The following PRKCI variants were observed in gnomAD, a reference collection of about 807,000 sequenced individuals.
PRKCI encodes protein kinase C iota, also known as protein kinase C iota type.
Under a neutral mutation model 84.0 loss-of-function variants are expected in PRKCI, and 43 were observed. The ratio of observed to expected loss-of-function variants is 0.51; its 90% CI spans 0.40 to 0.66. PRKCI has a LOEUF of 0.66. Ranked by LOEUF, PRKCI falls within the 30% of genes least tolerant of loss-of-function variation. PRKCI has a pLI of 0.00. For synonymous variants in PRKCI, 216 were observed against 234.4 expected (o/e 0.92, Z 0.72); for missense variants, 459 against 745.6 (o/e 0.62, Z 4.48).
chr3:170,250,116 CA>C (rs911808096), intron 2 of PRKCI, among the ~76,000 whole-genome samples: 2 of 117,312 alleles, frequency 1.7e-5, no homozygotes, highest in Non-Finnish European at 3.5e-5. Context: ...AATACAAAAA[CA>C]AAAAAATTAG....
At chr3:170,238,086 G>A (rs2108838467) in intron 2 of PRKCI, among the ~76,000 whole-genome samples, 1 of 152,278 alleles carries the variant, frequency 6.6e-6, no homozygotes, top group South Asian at 2.1e-4. Context: ...TATGGGGCCG[G>A]GCATGGTTTC....
intron 11 of PRKCI, among the ~76,000 whole-genome samples, chr3:170,282,778 T>C (rs1484427269): frequency 6.6e-6 from 1 of 151,826 alleles, no homozygotes; most frequent in East Asian, 1.9e-4. Context: ...TTTGGCTTTT[T>C]TTTCCTCTAA....
chr3:170,280,936 C>T (rs996716825), intron 9 of PRKCI, among the ~76,000 whole-genome samples: 1 of 151,898 alleles, frequency 6.6e-6, no homozygotes, highest in Non-Finnish European at 1.5e-5. Context: ...ACATTATTAT[C>T]AGGAGAAATA....
At chr3:170,233,963 C>T (rs1031093831) in intron 1 of PRKCI, among the ~76,000 whole-genome samples, 18 of 151,884 alleles carry the variant, frequency 1.2e-4, no homozygotes, top group African/African-American at 2.7e-4. Flanking sequence ...TCTAGTGATC[C>T]GCCCACCTCA....
At chr3:170,223,382 A>G (rs1732546356) in intron 1 of PRKCI, among the ~76,000 whole-genome samples, 1 of 152,178 alleles carries the variant, frequency 6.6e-6, no homozygotes, top group African/African-American at 2.4e-5. Context: ...ATTAAGTTGC[A>G]TGTGTGTAAA....
At position 170,305,818 on chromosome 3, in the gene PRKCI, G is replaced by A. The variant is rs192431985; in HGVS notation, c.*2691G>A. ...TTTTGTGCATATGCAGCCTGGATTGGATGTTAAGTAAATGCTTGTTCAGTG... is the reference window on the plus strand; with the variant it reads ...TTTTGTGCATATGCAGCCTGGATTGAATGTTAAGTAAATGCTTGTTCAGTG... On this transcript the variant is annotated 3_prime_UTR_variant, in exon 18 of 18. Coordinates refer to ENST00000295797, the MANE Select transcript of PRKCI (RefSeq NM_002740.6). 8.5e-5 allele frequency: 13 copies of A among 152,156 alleles called. No homozygotes were observed. The South Asian group carries it at 1.7e-3, about 19-fold the overall frequency. The allele number at this position is 152,156 out of a possible 1,614,324, so 9.4% of individuals were successfully genotyped here.
chr3:170,252,221 A>G (rs1733469646), intron 2 of PRKCI, among the ~76,000 whole-genome samples: 1 of 152,086 alleles, frequency 6.6e-6, no homozygotes, highest in Non-Finnish European at 1.5e-5. Context: ...CTCAAAAAAA[A>G]AAAAAAGAAA....
chr3:170,249,395 AGAAAG>A (rs1733377370), intron 2 of PRKCI, among the ~76,000 whole-genome samples: 1 of 152,032 alleles, frequency 6.6e-6, no homozygotes, highest in South Asian at 2.1e-4. Context: ...AGAGAGAGAG[AGAAAG>A]GAGAGAGAGA....
rs73181270 is a variant in PRKCI, at chr3:170,297,024, A to C, written c.1498-280A>C. Among the ~76,000 whole-genome samples the C allele has an allele frequency of 4.8e-3, 726 of 152,328 alleles. 3 individuals are homozygous for C. Among genetic ancestry groups the C allele is most frequent in the South Asian group, 9.5e-3 (46 of 4,828 alleles). On this transcript the variant is annotated intron_variant, in intron 15 of 17. Coordinates refer to ENST00000295797, the MANE Select transcript of PRKCI (RefSeq NM_002740.6). ...CAAAGAAATGGCTGGGTGCTGTCAA[A>C]TGATTCTGCTGTTCTCTTTTTCCTC...
At chr3:170,279,732 A>G (rs1453351414) in intron 8 of PRKCI, among the ~76,000 whole-genome samples, 1 of 152,152 alleles carries the variant, frequency 6.6e-6, no homozygotes, top group Non-Finnish European at 1.5e-5. Context: ...ACTAGCTTAC[A>G]TTCTATGTAT....
At chr3:170,295,628 A>G (rs1207911797) in intron 14 of PRKCI, among the ~76,000 whole-genome samples, 1 of 150,940 alleles carries the variant, frequency 6.6e-6, no homozygotes, top group Admixed American at 6.6e-5. Flanking sequence ...GTGAGCTGAG[A>G]TCGTGCCACT....
chr3:170,249,379 C>T (rs74346805), intron 2 of PRKCI, among the ~76,000 whole-genome samples: 3,217 of 151,814 alleles, frequency 0.021, 52 homozygotes, highest in East Asian at 0.085. Flanking sequence ...GTATCATTTA[C>T]GACAGAGAGA....
intron 5 of PRKCI, among the ~76,000 whole-genome samples, chr3:170,269,696 C>T (rs905184524): frequency 2.0e-5 from 3 of 152,094 alleles, no homozygotes; most frequent in East Asian, 1.9e-4. Context: ...GTGGCTCACA[C>T]GTGTAATCCC....
intron 7 of PRKCI, among the ~76,000 whole-genome samples, chr3:170,274,884 A>C (rs932447378): frequency 6.6e-5 from 10 of 152,170 alleles, no homozygotes; most frequent in African/African-American, 2.4e-4. Flanking sequence ...ATTTAAACAT[A>C]TCTTATAGAG....
chr3:170,222,549 G>T lies in PRKCI; in HGVS notation c.-121G>T. 1 of 831,982 alleles carries T rather than the reference G, an allele frequency of 1.2e-6. No homozygotes were observed. The highest frequency in any genetic ancestry group is 2.1e-5 in the South Asian group (1 of 47,492). 51.5% of individuals were successfully genotyped at this position (831,982 alleles called of 1,614,324 possible). A position where few individuals can be genotyped will look rare whatever the true frequency, so the allele number is the denominator to read the frequency against. On this transcript the variant is annotated 5_prime_UTR_variant, in exon 1 of 18. Transcript: ENST00000295797. ...TTGGGTCGGCGCTGCGGGCGAGGTG[G>T]GCAGGTAGGTGGGCGGACGGCCGCG...
At chr3:170,297,736 G>A (rs1734721395) in intron 16 of PRKCI, among the ~76,000 whole-genome samples, 1 of 151,730 alleles carries the variant, frequency 6.6e-6, no homozygotes, top group Non-Finnish European at 1.5e-5. Context: ...GATTACAGAT[G>A]TGAGCCACCA....
intron 7 of PRKCI, among the ~76,000 whole-genome samples, chr3:170,273,925 A>C (rs894570988): frequency 6.6e-6 from 1 of 151,878 alleles, no homozygotes; most frequent in African/African-American, 2.4e-5. Flanking sequence ...TGAGCTCAGG[A>C]GTTCAAGACC....
intron 7 of PRKCI, 133 bp from the exon 8 acceptor site, chr3:170,275,096 A>C: frequency 8.9e-7 from 1 of 1,117,628 alleles, no homozygotes; most frequent in Non-Finnish European, 1.2e-6. Context: ...TTAAATAATG[A>C]AAATTTATTC....
In PRKCI at chr3:170,267,945, G is replaced by A; in HGVS notation, c.395G>A (p.Trp132Ter). The A allele has an allele frequency of 6.2e-7, 1 of 1,612,414 alleles. No homozygotes were observed. The highest frequency in any genetic ancestry group is 8.5e-7 in the Non-Finnish European group (1 of 1,179,252). Residue 132 changes from tryptophan (W) to a stop codon, truncating the protein, a stop_gained, in exon 5 of 18, where the codon TGG (tryptophan) becomes TAG (stop). Coordinates refer to ENST00000295797, the MANE Select transcript of PRKCI (RefSeq NM_002740.6). LOFTEE classifies it high-confidence loss of function. ...KSIYRRGARR[W>*]RKLYCANGHT... is the part of the protein sequence containing the mutation. ...ATCTACCGTAGAGGTGCACGCCGCTGGAGAAAGCTTTATTGTGCCAATGGC... is the reference window on the plus strand; with the variant it reads ...ATCTACCGTAGAGGTGCACGCCGCTAGAGAAAGCTTTATTGTGCCAATGGC...
Sources: gnomAD v4.1 joint callset for allele counts (sites outside exome capture counted in the v4.1 genomes callset) on GRCh38, gnomAD v4.1.1 for gene constraint, MANE v1.5 for transcripts, NCBI Gene and HGNC (gene_info 2026-07-23, HGNC 2026-07-21) for gene names.